ATOSA: variants seen among roughly 807,000 people sequenced by gnomAD.
ATOSA encodes atos homolog protein A.
At chr15:52,611,075 T>G in the ATOSA span, 1 of 1,524,510 alleles carries the variant, frequency 6.6e-7, no homozygotes, top group Middle Eastern at 1.8e-4. Context: ...GCCATTCGGT[T>G]GCTAACCAAG....
At chr15:52,681,041 G>T in the ATOSA span, among the ~76,000 whole-genome samples, 1 of 152,164 alleles carries the variant, frequency 6.6e-6, no homozygotes. Context: ...TGCAAAAGAG[G>T]TAAAAAGACC....
At chr15:52,634,433 G>A in the ATOSA span, among the ~76,000 whole-genome samples, 1 of 151,606 alleles carries the variant, frequency 6.6e-6, no homozygotes, top group Non-Finnish European at 1.5e-5. Context: ...AAGAAAGATG[G>A]GACAAATAAA....
the ATOSA span, among the ~76,000 whole-genome samples, chr15:52,698,464 T>C: frequency 6.6e-5 from 10 of 152,248 alleles, no homozygotes; most frequent in African/African-American, 2.4e-4. Flanking sequence ...ATAGCAGCTT[T>C]GTTCATAATA....
At chr15:52,593,728 G>C in the ATOSA span, 1 of 1,534,466 alleles carries the variant, frequency 6.5e-7, no homozygotes, top group African/African-American at 1.4e-5. Context: ...GATAGTTCAA[G>C]ACAGATTCCT....
chr15:52,622,862 C>T, the ATOSA span, among the ~76,000 whole-genome samples: 1 of 152,008 alleles, frequency 6.6e-6, no homozygotes, highest in African/African-American at 2.4e-5. Flanking sequence ...GTGGCTCACA[C>T]CCGTAATCCC....
the ATOSA span, among the ~76,000 whole-genome samples, chr15:52,701,925 C>T: frequency 6.6e-6 from 1 of 151,846 alleles, no homozygotes; most frequent in Non-Finnish European, 1.5e-5. Context: ...CATAGCAAGA[C>T]CCCATCTCAA....
chr15:52,677,446 A>G, the ATOSA span, among the ~76,000 whole-genome samples: 1 of 152,248 alleles, frequency 6.6e-6, no homozygotes, highest in Non-Finnish European at 1.5e-5. Flanking sequence ...TTTAGAAAAG[A>G]AGTGACATTT....
At chr15:52,599,760 C>G in the ATOSA span, among the ~76,000 whole-genome samples, 25 of 152,240 alleles carry the variant, frequency 1.6e-4, no homozygotes, top group African/African-American at 5.1e-4. Context: ...TTTTGCAAAT[C>G]AACTTCCCTG....
chr15:52,635,237 A>G, the ATOSA span, among the ~76,000 whole-genome samples: 1 of 152,192 alleles, frequency 6.6e-6, no homozygotes, highest in Non-Finnish European at 1.5e-5. Flanking sequence ...ATAGTAATCA[A>G]TAGAACAATT....
chr15:52,594,364 A>G, the ATOSA span, among the ~76,000 whole-genome samples: 41 of 152,338 alleles, frequency 2.7e-4, 1 homozygote, highest in Admixed American at 7.2e-4. Context: ...TCACTGAGAT[A>G]ACTACTTTTA....
the ATOSA span, among the ~76,000 whole-genome samples, chr15:52,704,938 C>G: frequency 6.6e-6 from 1 of 152,216 alleles, no homozygotes; most frequent in Non-Finnish European, 1.5e-5. Flanking sequence ...TTGTGGAAGA[C>G]AGTGTGGCAA....
chr15:52,644,050 T>C, the ATOSA span, among the ~76,000 whole-genome samples: 2 of 152,246 alleles, frequency 1.3e-5, no homozygotes, highest in South Asian at 4.1e-4. Flanking sequence ...CTGTTAAGTT[T>C]ATTCAAAAAT....
chr15:52,694,166 ATAT>A, the ATOSA span, among the ~76,000 whole-genome samples: 2 of 109,156 alleles, frequency 1.8e-5, no homozygotes. Context: ...AGATATATAT[ATAT>A]TTTTTTTTTT....
At chr15:52,679,986 C>T in the ATOSA span, among the ~76,000 whole-genome samples, 3 of 150,784 alleles carry the variant, frequency 2.0e-5, no homozygotes, top group Non-Finnish European at 4.4e-5. Flanking sequence ...CCCACCCCCA[C>T]CCTAGATTTT....
At chr15:52,631,051 A>G in the ATOSA span, among the ~76,000 whole-genome samples, 1 of 152,182 alleles carries the variant, frequency 6.6e-6, no homozygotes, top group Non-Finnish European at 1.5e-5. Flanking sequence ...GTCAGCACAC[A>G]AGGTTCTGCT....
At chr15:52,590,356 C>G in the ATOSA span, among the ~76,000 whole-genome samples, 33 of 152,304 alleles carry the variant, frequency 2.2e-4, no homozygotes, top group African/African-American at 7.5e-4. Context: ...TTCTAAACAG[C>G]TAAGTGTTGT....
the ATOSA span, among the ~76,000 whole-genome samples, chr15:52,695,846 G>A: frequency 6.6e-6 from 1 of 152,314 alleles, no homozygotes; most frequent in African/African-American, 2.4e-5. Context: ...TGGCTACCTA[G>A]AGGAAGACTG....
chr15:52,615,599 T>C, the ATOSA span, among the ~76,000 whole-genome samples: 1 of 152,154 alleles, frequency 6.6e-6, no homozygotes, highest in African/African-American at 2.4e-5. Flanking sequence ...GAGAAAAGTA[T>C]GCAAAAAGAA....
At chr15:52,612,071 G>T in the ATOSA span, among the ~76,000 whole-genome samples, 2 of 152,066 alleles carry the variant, frequency 1.3e-5, no homozygotes, top group African/African-American at 4.8e-5. Context: ...TGCAACCTCT[G>T]CCTCCTAGGT....
Sources: gnomAD v4.1 joint callset for allele counts (sites outside exome capture counted in the v4.1 genomes callset) on GRCh38, gnomAD v4.1.1 for gene constraint, MANE v1.5 for transcripts, NCBI Gene and HGNC (gene_info 2026-07-23, HGNC 2026-07-21) for gene names.